Variants in DST observed in about 807,000 individuals in gnomAD.
DST encodes the protein dystonin.
Under a neutral mutation model 875.2 loss-of-function variants are expected in DST, and 253 were observed. That is an observed-to-expected ratio of 0.29 (90% confidence interval 0.26 to 0.32). DST has a LOEUF of 0.32. DST is among the 10% of genes least tolerant of loss of function. The pLI, the probability that DST is intolerant of heterozygous loss-of-function variation, is 1.00. For missense variants in DST, 8,287 were observed against 9,111.6 expected, an observed-to-expected ratio of 0.91 and a Z score of 3.68; for synonymous variants, 3,124 against 3,197.1, an observed-to-expected ratio of 0.98 and a Z score of 0.77.
At chr6:56,661,877 C>G (rs1374303981) in intron 10 of DST, among the ~76,000 whole-genome samples, 1 of 152,084 alleles carries the variant, frequency 6.6e-6, no homozygotes, top group Non-Finnish European at 1.5e-5. Context: ...TGTGAGTCAC[C>G]GCGCCCGGCC....
At position 56,916,778 on chromosome 6, in the gene DST, T is replaced by TCACACACACACA. The variant is rs70989742; in HGVS notation, c.217-16169_217-16158dup. 1.6e-3 allele frequency among the ~76,000 whole-genome samples: 145 copies of TCACACACACACA among 91,334 alleles called. 2 individuals carry two copies. Among genetic ancestry groups the TCACACACACACA allele is most frequent in the African/African-American group, 3.3e-3 (65 of 19,552 alleles). 59.9% of individuals were successfully genotyped at this position (91,334 alleles called of 152,430 possible). The stretch of plus-strand genomic sequence containing the variant: ...ATCTCTCTCTCTCTCTCTCTCTCTC[T>TCACACACACACA]CACACACACACACACACACACACAC... On this transcript the variant is annotated intron_variant, in intron 2 of 103. Coordinates refer to ENST00000680361, the MANE Select transcript of DST (RefSeq NM_001374736.1).
At chr6:56,835,027 C>A (rs1023087379) in intron 4 of DST, among the ~76,000 whole-genome samples, 2 of 152,184 alleles carry the variant, frequency 1.3e-5, no homozygotes, top group African/African-American at 4.8e-5. Flanking sequence ...GATGAGCTAT[C>A]AAGCTATGAA....
Position 56,607,218 on chromosome 6 carries a change from T to C in DST, c.7410A>G (p.Ser2470=), listed in dbSNP as rs770325504. 5 of 1,613,590 alleles carry C rather than the reference T, an allele frequency of 3.1e-6. No homozygotes were observed. The highest frequency in any genetic ancestry group is 1.3e-5 in the African/African-American group (1 of 75,022). ...NGNKCEAPAL[S]FSDKTMLSGQ... ...CTGACAACATGGTTTTGTCACTGAA[T>C]GATAAGGCTGGGGCTTCACACTTAT... The change falls in exon 40 of 104, where the codon TCA becomes TCG. Residue 2470 remains serine (S), a synonymous_variant. Coordinates refer to ENST00000680361, the MANE Select transcript of DST (RefSeq NM_001374736.1).
At chr6:56,791,465 A>G (rs2099723425) in intron 4 of DST, among the ~76,000 whole-genome samples, 1 of 152,188 alleles carries the variant, frequency 6.6e-6, no homozygotes, top group Admixed American at 6.5e-5. Context: ...TTGAATAGCG[A>G]ATATCAGTAA....
chr6:56,844,829 G>A (rs1373186887), intron 4 of DST, among the ~76,000 whole-genome samples: 1 of 148,286 alleles, frequency 6.7e-6, no homozygotes, highest in African/African-American at 2.5e-5. Flanking sequence ...CCGAGATCAC[G>A]CCACCGTATT....
chr6:56,757,938 C>A (rs2099608083), intron 4 of DST, among the ~76,000 whole-genome samples: 1 of 152,116 alleles, frequency 6.6e-6, no homozygotes. Context: ...AAAATAGAAC[C>A]AATATTAGCC....
intron 103 of DST, 22 bp from the exon 104 acceptor site, chr6:56,459,289 A>T (rs1328723786): frequency 6.2e-7 from 1 of 1,603,798 alleles, no homozygotes; most frequent in African/African-American, 1.3e-5. Flanking sequence ...AGGTAGAGAC[A>T]GCTCACCCTT....
At position 56,592,168 on chromosome 6, in the gene DST, C is replaced by A; in HGVS notation, c.12903+14G>T. 6.2e-7 allele frequency: 1 copy of A among 1,609,154 alleles called. No individual in the cohort carries two copies. Among genetic ancestry groups the A allele is most frequent in the Non-Finnish European group, 8.5e-7 (1 of 1,177,870 alleles). ...AAGACTACTGGAAATGTGGATCTTTCTCTCGCTTTTTACCTTGGTCTCTTC... is the reference window on the plus strand; with the variant it reads ...AAGACTACTGGAAATGTGGATCTTTATCTCGCTTTTTACCTTGGTCTCTTC... On this transcript the variant is annotated intron_variant, in intron 49 of 103. Transcript: ENST00000680361.
chr6:56,870,868 CAT>C (rs2127609299), intron 3 of DST, among the ~76,000 whole-genome samples: 1 of 151,768 alleles, frequency 6.6e-6, no homozygotes, highest in Admixed American at 6.6e-5. Context: ...ATAAAATAAA[CAT>C]ATTTTATATA....
At chr6:56,473,345 T>C (rs1178322604) in intron 93 of DST, among the ~76,000 whole-genome samples, 1 of 152,210 alleles carries the variant, frequency 6.6e-6, no homozygotes, top group Non-Finnish European at 1.5e-5. Context: ...ACACAAATTG[T>C]GTTTCTTTTT....
intron 72 of DST, among the ~76,000 whole-genome samples, chr6:56,512,039 T>C (rs2096487940): frequency 6.6e-6 from 1 of 152,146 alleles, no homozygotes; most frequent in Non-Finnish European, 1.5e-5. Flanking sequence ...TTTATATTTA[T>C]GTATGAATCT....
At chr6:56,660,987 CA>C (rs1448089716) in intron 10 of DST, among the ~76,000 whole-genome samples, 1 of 132,926 alleles carries the variant, frequency 7.5e-6, no homozygotes, top group Non-Finnish European at 1.5e-5. Flanking sequence ...TCTCACTTCA[CA>C]AAGAACAATC....
chr6:56,699,979 G>T (rs2099288209), intron 8 of DST, among the ~76,000 whole-genome samples: 1 of 152,146 alleles, frequency 6.6e-6, no homozygotes, highest in African/African-American at 2.4e-5. Flanking sequence ...CCACAGCAGG[G>T]ATCCCCAACC....
At chr6:56,574,277 G>A (rs1016040104) in intron 50 of DST, among the ~76,000 whole-genome samples, 5 of 151,740 alleles carry the variant, frequency 3.3e-5, no homozygotes, top group African/African-American at 9.7e-5. Flanking sequence ...AATTACTTTC[G>A]GAGGAAAAAA....
chr6:56,600,942 C>T (rs1186066376), intron 44 of DST, among the ~76,000 whole-genome samples: 1 of 152,040 alleles, frequency 6.6e-6, no homozygotes, highest in Non-Finnish European at 1.5e-5. Context: ...GCTCACAACA[C>T]TAGCAGGTAA....
intron 69 of DST, among the ~76,000 whole-genome samples, chr6:56,521,620 A>G (rs1478017174): frequency 3.2e-5 from 3 of 92,566 alleles, no homozygotes; most frequent in South Asian, 7.1e-4. Flanking sequence ...AAAAAAAAAA[A>G]AAAAAGACTT....
intron 5 of DST, among the ~76,000 whole-genome samples, chr6:56,707,625 C>G (rs747428319): frequency 5.6e-4 from 85 of 152,288 alleles, no homozygotes; most frequent in Non-Finnish European, 9.9e-4. Flanking sequence ...TTACATTTCA[C>G]TCTATATTCC....
At chr6:56,863,212 T>G (rs1302687254) in intron 3 of DST, 1 of 152,202 alleles carries the variant, frequency 6.6e-6, no homozygotes, top group Non-Finnish European at 1.5e-5. Flanking sequence ...CATCCTTTAT[T>G]CATCCTTTTC....
At chr6:56,471,853 C>T (rs2094912184) in intron 94 of DST, 4 of 603,812 alleles carry the variant, frequency 6.6e-6, no homozygotes, top group Non-Finnish European at 1.2e-5. Context: ...TTCATTGATT[C>T]CCTAAATCCA....
Sources: allele counts gnomAD v4.1 joint callset (sites outside exome capture counted in the v4.1 genomes callset), GRCh38; gene constraint gnomAD v4.1.1; transcripts MANE v1.5; gene names NCBI Gene and HGNC (gene_info 2026-07-23, HGNC 2026-07-21).